Variants in CSMD1 observed in about 807,000 individuals in gnomAD.
CSMD1 encodes CUB and Sushi multiple domains 1, also known as CUB and sushi domain-containing protein 1.
In CSMD1, 213 loss-of-function variants were observed where a neutral mutation model predicts 417.5. That is an observed-to-expected ratio of 0.51 (90% CI 0.46 to 0.57). The LOEUF (loss-of-function observed/expected upper bound fraction) is 0.57. Ranked by LOEUF, CSMD1 falls within the 20% of genes least tolerant of loss-of-function variation. The pLI is 0.00. For synonymous variants in CSMD1, 2,862 were observed against 1,736.8 expected, an observed-to-expected ratio of 1.65 and a Z score of -16.11; for missense variants, 6,923 against 4,529.7, an observed-to-expected ratio of 1.53 and a Z score of -15.17.
chr8:3,812,904 G>A (rs1173554320), intron 5 of CSMD1, among the ~76,000 whole-genome samples: 1 of 152,170 alleles, frequency 6.6e-6, no homozygotes, highest in Non-Finnish European at 1.5e-5. Flanking sequence ...TTTCGTGGCT[G>A]TGATAATGTG....
rs1437111186 is a variant in CSMD1, at chr8:3,871,894, AAT to A, written c.819-117854_819-117853del. On this transcript the variant is annotated intron_variant, in intron 5 of 69. Coordinates refer to ENST00000635120, the MANE Select transcript of CSMD1 (RefSeq NM_033225.6). ...AGAAAATAACAGGTGTTGATTTTGA[AAT>A]AAAGATAAAATGAATTAACGTAGCC... 3.3e-5 allele frequency among the ~76,000 whole-genome samples: 5 copies of A among 152,216 alleles called. No homozygotes were observed. The South Asian group carries it at 1.0e-3, about 32-fold the overall frequency.
chr8:4,729,233 A>C (rs1326313788), intron 1 of CSMD1, among the ~76,000 whole-genome samples: 1 of 152,182 alleles, frequency 6.6e-6, no homozygotes. Flanking sequence ...TTATCACAGA[A>C]AATTATGCTG....
Position 4,978,453 on chromosome 8 carries a change from T to C in CSMD1, c.85+15879A>G, listed in dbSNP as rs944502683. 4.6e-5 allele frequency among the ~76,000 whole-genome samples: 7 copies of C among 152,338 alleles called. No homozygotes were observed. The South Asian group carries it at 1.0e-3, about 23-fold the overall frequency. On this transcript the variant is annotated intron_variant, in intron 1 of 69. Transcript: ENST00000635120. Reference sequence around the variant, plus strand: ...GTCAAAGAATTGGGCCCTACTTATGTTAAAGATGTTAATAAACCCAGCATC... The same window carrying C: ...GTCAAAGAATTGGGCCCTACTTATGCTAAAGATGTTAATAAACCCAGCATC...
intron 1 of CSMD1, among the ~76,000 whole-genome samples, chr8:4,927,070 G>A (rs1256786421): frequency 6.8e-6 from 1 of 147,536 alleles, no homozygotes; most frequent in Non-Finnish European, 1.5e-5. Flanking sequence ...ATAGGGCTGT[G>A]TTATTTGCTT....
intron 3 of CSMD1, among the ~76,000 whole-genome samples, chr8:4,392,850 C>G (rs1803943630): frequency 2.0e-5 from 3 of 151,764 alleles, no homozygotes; most frequent in Admixed American, 6.6e-5. Context: ...CACCTGTAAT[C>G]CCAGCTACCC....
rs137861692 is a variant in CSMD1 at position 3,353,075 on chromosome 8, A to G, written c.3305-4914T>C. ...TCTGTTATCAGAAGGTGCAATAATT[A>G]TACTACATTTGTTAATACACAATAT... On this transcript the variant is annotated intron_variant, in intron 21 of 69. Coordinates refer to ENST00000635120, the MANE Select transcript of CSMD1 (RefSeq NM_033225.6). 3.7e-4 allele frequency among the ~76,000 whole-genome samples: 56 copies of G among 152,316 alleles called. 1 individual carries two copies. The highest frequency in any genetic ancestry group is 2.3e-3 in the East Asian group (12 of 5,174).
intron 3 of CSMD1, among the ~76,000 whole-genome samples, chr8:4,354,471 C>A (rs562449427): frequency 6.6e-6 from 1 of 152,090 alleles, no homozygotes; most frequent in African/African-American, 2.4e-5. Flanking sequence ...AATTATAATA[C>A]ATGGGGTGGA....
intron 2 of CSMD1, among the ~76,000 whole-genome samples, chr8:4,553,329 G>T (rs1049270407): frequency 6.6e-6 from 1 of 151,652 alleles, no homozygotes; most frequent in Non-Finnish European, 1.5e-5. Flanking sequence ...GCTTCATTTT[G>T]TGTAATTTTC....
At chr8:3,334,683 G>A (rs1205000397) in intron 23 of CSMD1, among the ~76,000 whole-genome samples, 2 of 152,200 alleles carry the variant, frequency 1.3e-5, no homozygotes, top group East Asian at 3.9e-4. Flanking sequence ...ACATAAATAT[G>A]GAGCTGCAGT....
intron 3 of CSMD1, among the ~76,000 whole-genome samples, chr8:4,212,413 G>C (rs1800368803): frequency 6.6e-6 from 1 of 152,134 alleles, no homozygotes; most frequent in Middle Eastern, 3.4e-3. Context: ...TTCATGTTTT[G>C]ACATTAACGT....
chr8:3,437,972 C>G (rs546550437), intron 12 of CSMD1, among the ~76,000 whole-genome samples: 1 of 152,048 alleles, frequency 6.6e-6, no homozygotes, highest in South Asian at 2.1e-4. Context: ...AACTGCTGAC[C>G]TCAGATGATC....
intron 6 of CSMD1, among the ~76,000 whole-genome samples, chr8:3,717,988 C>T (rs923777863): frequency 2.5e-4 from 38 of 152,134 alleles, no homozygotes; most frequent in Non-Finnish European, 1.2e-4. Flanking sequence ...TTTACTTCAC[C>T]TGATGTAAAT....
chr8:4,392,644 A>T (rs1803923113), intron 3 of CSMD1, among the ~76,000 whole-genome samples: 1 of 150,284 alleles, frequency 6.7e-6, no homozygotes, highest in Non-Finnish European at 1.5e-5. Context: ...TTTGGGGGGG[A>T]GGGTTATTAT....
intron 3 of CSMD1, among the ~76,000 whole-genome samples, chr8:4,159,586 G>T (rs1327143441): frequency 6.6e-6 from 1 of 152,138 alleles, no homozygotes; most frequent in Non-Finnish European, 1.5e-5. Flanking sequence ...TGGGATTGCA[G>T]ACCATTATTA....
At chr8:3,299,231 C>G (rs571537556) in intron 25 of CSMD1, among the ~76,000 whole-genome samples, 7 of 152,044 alleles carry the variant, frequency 4.6e-5, no homozygotes, top group East Asian at 1.9e-4. Flanking sequence ...GTGGGTGGAT[C>G]GCCTGAGGTC....
At chr8:3,201,751 G>C in intron 31 of CSMD1, 26 bp from the exon 32 acceptor site, 3 of 1,380,730 alleles carry the variant, frequency 2.2e-6, no homozygotes, top group South Asian at 2.5e-5. Context: ...TGGGATGTTG[G>C]CACAAGATGC....
chr8:3,869,634 C>A (rs184786163), intron 5 of CSMD1, among the ~76,000 whole-genome samples: 3 of 152,098 alleles, frequency 2.0e-5, no homozygotes, highest in Non-Finnish European at 4.4e-5. Flanking sequence ...GCTGAGCTAA[C>A]CTGGGGAAAG....
At chr8:2,988,741 G>A (rs1247902380) in intron 54 of CSMD1, among the ~76,000 whole-genome samples, 1 of 152,038 alleles carries the variant, frequency 6.6e-6, no homozygotes, top group Admixed American at 6.6e-5. Context: ...AGTGTTACTG[G>A]GTTGAGTATA....
intron 5 of CSMD1, among the ~76,000 whole-genome samples, chr8:3,991,040 A>G (rs893010151): frequency 6.6e-6 from 1 of 152,140 alleles, no homozygotes; most frequent in Non-Finnish European, 1.5e-5. Flanking sequence ...GCTTCACTCC[A>G]CTTGTGGGGC....
Sources: allele counts gnomAD v4.1 joint callset (sites outside exome capture counted in the v4.1 genomes callset), GRCh38; gene constraint gnomAD v4.1.1; transcripts MANE v1.5; gene names NCBI Gene and HGNC (gene_info 2026-07-23, HGNC 2026-07-21).